The following GFRA1 variants were observed in gnomAD, a reference collection of about 807,000 sequenced individuals.
The protein encoded by GFRA1 is GDNF family receptor alpha-1.
GFRA1 carries 16 observed loss-of-function variants against 51.6 expected under a neutral mutation model. The observed-to-expected ratio is 0.31, with a 90% CI of 0.21 to 0.47. The LOEUF (loss-of-function observed/expected upper bound fraction) is 0.47, where lower values mean the gene tolerates loss of function less well. GFRA1 is among the 20% of genes least tolerant of loss of function. The pLI is 1.00. For missense variants in GFRA1, 530 were observed against 594.3 expected (o/e 0.89, Z 1.13); for synonymous variants, 270 against 241.3 (o/e 1.12, Z -1.10).
intron 5 of GFRA1, among the ~76,000 whole-genome samples, chr10:116,179,253 A>T (rs375374924): frequency 6.6e-6 from 1 of 152,232 alleles, no homozygotes; most frequent in Non-Finnish European, 1.5e-5. Flanking sequence ...TTAAGTCTTC[A>T]TACAAACCCT....
intron 6 of GFRA1, among the ~76,000 whole-genome samples, chr10:116,114,179 TCA>T (rs1378118414): frequency 2.0e-5 from 3 of 152,196 alleles, no homozygotes; most frequent in Non-Finnish European, 2.9e-5. Flanking sequence ...AGCCCCTTAT[TCA>T]CAGTTACTCC....
chr10:116,245,054 T>C (rs1320021042), intron 4 of GFRA1, among the ~76,000 whole-genome samples: 5 of 152,048 alleles, frequency 3.3e-5, no homozygotes, highest in African/African-American at 4.8e-5. Flanking sequence ...TGAATAATAT[T>C]GTAAAAATGC....
intron 6 of GFRA1, among the ~76,000 whole-genome samples, chr10:116,106,700 G>A (rs1361015708): frequency 6.6e-6 from 1 of 151,660 alleles, no homozygotes; most frequent in Non-Finnish European, 1.5e-5. Flanking sequence ...GACTCTCAAA[G>A]GAATTATCTC....
intron 4 of GFRA1, among the ~76,000 whole-genome samples, chr10:116,233,141 AC>A (rs145545747): frequency 0.064 from 9,742 of 152,116 alleles, 1,038 homozygotes; most frequent in African/African-American, 0.22. Context: ...AGCCTGGTCA[AC>A]ATGGCAAAAC....
intron 4 of GFRA1, among the ~76,000 whole-genome samples, chr10:116,251,961 C>T (rs1396647703): frequency 1.3e-5 from 1 of 74,662 alleles, no homozygotes; most frequent in Non-Finnish European, 2.7e-5. Flanking sequence ...AACAATAGGC[C>T]TCTTTTTTTT....
chr10:116,064,152 C>T lies in GFRA1; in HGVS notation c.*246G>A, dbSNP rs1476407934. 1 of 463,238 alleles carries T rather than the reference C, an allele frequency of 2.2e-6. No homozygotes were observed. The highest frequency in any genetic ancestry group is 3.9e-6 in the Non-Finnish European group (1 of 255,652). 28.7% of individuals were successfully genotyped at this position (463,238 alleles called of 1,614,324 possible). On this transcript the variant is annotated 3_prime_UTR_variant, in exon 11 of 11. Transcript: ENST00000355422. ...CTTTACAGCCCAAGTTACAAACTGT[C>T]CCTTTAAAATACAGCATATCCCAAA... is the stretch of plus-strand genomic sequence containing the variant.
rs976083117 is a variant in GFRA1, at chr10:116,061,258, A to G, written c.*3140T>C. ...CACAAAAGTCTGTTAAAAAAAAAAA[A>G]AAAGAAATGGAAACCACACTCCTAT... On this transcript the variant is annotated 3_prime_UTR_variant, in exon 11 of 11. Transcript: ENST00000355422. The G allele has an allele frequency of 3.9e-5, 6 of 151,988 alleles. No individual in the cohort carries two copies. Among genetic ancestry groups the G allele is most frequent in the African/African-American group, 1.5e-4 (6 of 41,328 alleles). 9.4% of individuals were successfully genotyped at this position (151,988 alleles called of 1,614,324 possible).
At chr10:116,100,509 C>T (rs1017238998) in intron 6 of GFRA1, among the ~76,000 whole-genome samples, 1 of 152,104 alleles carries the variant, frequency 6.6e-6, no homozygotes, top group Non-Finnish European at 1.5e-5. Context: ...ATGCCCAGGC[C>T]ACAAGATCAA....
chr10:116,258,561 T>C (rs1969070349), intron 4 of GFRA1, among the ~76,000 whole-genome samples: 1 of 151,780 alleles, frequency 6.6e-6, no homozygotes, highest in Non-Finnish European at 1.5e-5. Context: ...TAATCCTTTA[T>C]GCAGTTCGTG....
chr10:116,141,687 G>A (rs1207799769), intron 5 of GFRA1, among the ~76,000 whole-genome samples: 2 of 152,200 alleles, frequency 1.3e-5, no homozygotes, highest in Non-Finnish European at 2.9e-5. Context: ...GGGTTCAAGT[G>A]AGTCTCCTGC....
At chr10:116,092,445 T>C (rs1956392085) in intron 8 of GFRA1, among the ~76,000 whole-genome samples, 2 of 152,088 alleles carry the variant, frequency 1.3e-5, no homozygotes, top group African/African-American at 2.4e-5. Flanking sequence ...TAGTAAACTA[T>C]TAGCTACCAA....
At chr10:116,180,407 C>G (rs1176673942) in intron 5 of GFRA1, among the ~76,000 whole-genome samples, 2 of 152,076 alleles carry the variant, frequency 1.3e-5, no homozygotes, top group African/African-American at 4.8e-5. Context: ...AAGCTGGGTC[C>G]CATGATAAAT....
chr10:116,084,017 G>A (rs1293477541), intron 9 of GFRA1, among the ~76,000 whole-genome samples: 1 of 152,176 alleles, frequency 6.6e-6, no homozygotes, highest in Non-Finnish European at 1.5e-5. Flanking sequence ...GGCAAGGTGT[G>A]AACCTAGGCT....
At chr10:116,155,966 C>T (rs540252974) in intron 5 of GFRA1, among the ~76,000 whole-genome samples, 12 of 152,316 alleles carry the variant, frequency 7.9e-5, no homozygotes, top group African/African-American at 2.9e-4. Flanking sequence ...AAGAAGGCCA[C>T]GATCAGCCCC....
chr10:116,125,202 G>A lies in GFRA1; in HGVS notation c.770+19C>T, dbSNP rs554597317. 1.9e-6 allele frequency: 3 copies of A among 1,597,524 alleles called. No homozygotes were observed. In the African/African-American group the frequency reaches 4.0e-5, roughly 21 times the overall value. On this transcript the variant is annotated intron_variant, in intron 6 of 10. Coordinates refer to ENST00000355422, the MANE Select transcript of GFRA1 (RefSeq NM_005264.8). ...TTCCCTGTCACCTCATTAATCACCA[G>A]CTGCCAGTGCCCACTTACCTGCAGA...
chr10:116,057,571 A>T lies in GFRA1; in HGVS notation c.*6827T>A, dbSNP rs1031360907. The T allele has an allele frequency of 4.6e-5, 7 of 152,322 alleles. No homozygotes were observed. Among genetic ancestry groups the T allele is most frequent in the African/African-American group, 1.4e-4 (6 of 41,578 alleles). 9.4% of individuals were successfully genotyped at this position (152,322 alleles called of 1,614,324 possible). On this transcript the variant is annotated 3_prime_UTR_variant, in exon 11 of 11. Coordinates refer to ENST00000355422, the MANE Select transcript of GFRA1 (RefSeq NM_005264.8). ...TCTCAGCAGGAGTTGGATTAAACTG[A>T]GAAAATAATTTTAATATCAAGGGAT...
In GFRA1 at chr10:116,077,173, T is replaced by C. The variant is rs375116051; in HGVS notation, c.1198-11547A>G. Among the ~76,000 whole-genome samples the C allele has an allele frequency of 1.2e-4, 18 of 152,360 alleles. No homozygotes were observed. The East Asian group carries it at 3.5e-3, about 29-fold the overall frequency. Reference sequence around the variant, plus strand: ...TCGCCTGTTTAAGCTGGAGTTCTCCTGGCCTCACTGGTGTTCACCTAGTGC... The same window carrying C: ...TCGCCTGTTTAAGCTGGAGTTCTCCCGGCCTCACTGGTGTTCACCTAGTGC... On this transcript the variant is annotated intron_variant, in intron 9 of 10. Coordinates refer to ENST00000355422, the MANE Select transcript of GFRA1 (RefSeq NM_005264.8).
At chr10:116,069,821 G>T (rs1305815699) in intron 9 of GFRA1, among the ~76,000 whole-genome samples, 1 of 152,170 alleles carries the variant, frequency 6.6e-6, no homozygotes, top group Non-Finnish European at 1.5e-5. Context: ...CCCTACGTGG[G>T]TTCTGCCCAC....
intron 4 of GFRA1, among the ~76,000 whole-genome samples, chr10:116,243,780 G>A (rs1967615408): frequency 6.6e-6 from 1 of 152,090 alleles, no homozygotes; most frequent in Non-Finnish European, 1.5e-5. Context: ...AGCCACTATG[G>A]CCACAGGCCC....
Sources: gnomAD v4.1 joint callset for allele counts (sites outside exome capture counted in the v4.1 genomes callset) on GRCh38, gnomAD v4.1.1 for gene constraint, MANE v1.5 for transcripts, NCBI Gene and HGNC (gene_info 2026-07-23, HGNC 2026-07-21) for gene names.